Variants in CDH23 observed in about 807,000 individuals in gnomAD.
CDH23 encodes the protein cadherin-23.
Under a neutral mutation model 317.1 loss-of-function variants are expected in CDH23, and 189 were observed. The observed-to-expected ratio is 0.60, with a 90% CI of 0.53 to 0.67. The LOEUF (loss-of-function observed/expected upper bound fraction) is 0.67, where lower values mean the gene tolerates loss of function less well. Ranked by LOEUF, CDH23 falls within the 30% of genes least tolerant of loss-of-function variation. CDH23 has a pLI of 0.00. For missense variants in CDH23, 4,401 were observed against 4,592.4 expected (o/e 0.96, Z 1.20); for synonymous variants, 1,839 against 1,876.8 (o/e 0.98, Z 0.52).
intron 11 of CDH23, among the ~76,000 whole-genome samples, chr10:71,642,467 C>T (rs1305598977): frequency 7.1e-6 from 1 of 141,444 alleles, no homozygotes; most frequent in East Asian, 2.2e-4. Flanking sequence ...GGCATGATCT[C>T]GTCTCACTCC....
At chr10:71,476,156 G>A (rs1213125088) in intron 3 of CDH23, among the ~76,000 whole-genome samples, 1 of 152,136 alleles carries the variant, frequency 6.6e-6, no homozygotes, top group Non-Finnish European at 1.5e-5. Context: ...AACAATGCAA[G>A]GGGAGTTTTC....
chr10:71,599,476 G>A (rs1420108274), intron 9 of CDH23, among the ~76,000 whole-genome samples: 4 of 152,194 alleles, frequency 2.6e-5, no homozygotes, highest in East Asian at 1.9e-4. Context: ...GATGCATACA[G>A]TATGTAAAGA....
At chr10:71,415,740 T>C (rs940910010) in intron 1 of CDH23, among the ~76,000 whole-genome samples, 6 of 152,234 alleles carry the variant, frequency 3.9e-5, no homozygotes, top group Admixed American at 2.0e-4. Flanking sequence ...ATTTCTGTTA[T>C]AGTTTCCTCT....
chr10:71,621,479 C>T (rs1861464291), intron 11 of CDH23, among the ~76,000 whole-genome samples: 1 of 152,130 alleles, frequency 6.6e-6, no homozygotes, highest in African/African-American at 2.4e-5. Context: ...TCATGCTCTG[C>T]CTGGAACGTT....
Position 71,815,353 on chromosome 10 carries a change from G to A in CDH23, c.*75G>A. On this transcript the variant is annotated 3_prime_UTR_variant, in exon 70 of 70. Coordinates refer to ENST00000224721, the MANE Select transcript of CDH23 (RefSeq NM_022124.6). ...TCCCAGGGAGCAAGGGCAGGGACAG[G>A]GCCGGTCGGGGGGGACCCTCCAAGG... 7.3e-7 allele frequency: 1 copy of A among 1,376,802 alleles called. No homozygotes were observed. The highest frequency in any genetic ancestry group is 9.7e-7 in the Non-Finnish European group (1 of 1,029,306). 85.3% of individuals were successfully genotyped at this position (1,376,802 alleles called of 1,614,324 possible).
At chr10:71,482,329 C>T (rs1009727367) in intron 3 of CDH23, among the ~76,000 whole-genome samples, 1 of 152,174 alleles carries the variant, frequency 6.6e-6, no homozygotes, top group Non-Finnish European at 1.5e-5. Flanking sequence ...GTAGAGTTCC[C>T]TGTCATAAAG....
At position 71,800,759 on chromosome 10, in the gene CDH23, AG is replaced by A. The variant is rs749732322; in HGVS notation, c.7482+8del. The A allele has an allele frequency of 6.2e-7, 1 of 1,613,562 alleles. No homozygotes were observed. The highest frequency in any genetic ancestry group is 2.2e-5 in the East Asian group (1 of 44,870). On this transcript the variant is annotated splice_donor_5th_base_variant and intron_variant, in intron 53 of 69. Coordinates refer to ENST00000224721, the MANE Select transcript of CDH23 (RefSeq NM_022124.6). ...CCGTCGCGAAAATTCAGTGCAGGTGAGGGGTGCCAACCTGGGCCAGGGATGA... is the reference window on the plus strand; with the variant it reads ...CCGTCGCGAAAATTCAGTGCAGGTGAGGGTGCCAACCTGGGCCAGGGATGA...
At chr10:71,537,689 A>G (rs1855776262) in intron 6 of CDH23, among the ~76,000 whole-genome samples, 1 of 152,194 alleles carries the variant, frequency 6.6e-6, no homozygotes, top group African/African-American at 2.4e-5. Context: ...CCCCAGCTGA[A>G]GGCATCTCAG....
chr10:71,524,492 GGAT>G (rs1256321825), intron 6 of CDH23, among the ~76,000 whole-genome samples: 1 of 152,202 alleles, frequency 6.6e-6, no homozygotes, highest in African/African-American at 2.4e-5. Context: ...GGCAAAAGGA[GGAT>G]GCCTTGCTCA....
intron 6 of CDH23, among the ~76,000 whole-genome samples, chr10:71,521,343 G>A (rs1854667650): frequency 6.6e-6 from 1 of 152,134 alleles, no homozygotes; most frequent in Non-Finnish European, 1.5e-5. Context: ...AAATGGTGTG[G>A]GAGGCCTTTT....
chr10:71,659,788 A>G (rs1049610126), intron 14 of CDH23, among the ~76,000 whole-genome samples: 3 of 152,162 alleles, frequency 2.0e-5, no homozygotes, highest in Admixed American at 2.0e-4. Context: ...ACCTCTCTAG[A>G]AGGAGCCTTC....
chr10:71,770,253 G>A (rs577423466), intron 38 of CDH23, among the ~76,000 whole-genome samples: 28 of 152,336 alleles, frequency 1.8e-4, no homozygotes, highest in Admixed American at 9.8e-4. Context: ...TTAAGTGTTC[G>A]TTCATTGGCT....
intron 3 of CDH23, among the ~76,000 whole-genome samples, chr10:71,495,670 TA>T (rs546623585): frequency 0.031 from 4,585 of 147,350 alleles, 224 homozygotes; most frequent in African/African-American, 0.11. Context: ...TCATCTCTAT[TA>T]AAAAAAAAAA....
At chr10:71,649,411 C>T (rs1370751188) in intron 14 of CDH23, among the ~76,000 whole-genome samples, 1 of 152,210 alleles carries the variant, frequency 6.6e-6, no homozygotes, top group African/African-American at 2.4e-5. Context: ...CCGAGCGTCC[C>T]CAGCTCTCAT....
At chr10:71,468,359 C>T (rs1469879178) in intron 3 of CDH23, among the ~76,000 whole-genome samples, 2 of 152,214 alleles carry the variant, frequency 1.3e-5, no homozygotes, top group African/African-American at 4.8e-5. Context: ...CTCTTGGTGT[C>T]ACTCCTCAGC....
At chr10:71,486,462 G>A (rs550703794) in intron 3 of CDH23, among the ~76,000 whole-genome samples, 7 of 152,140 alleles carry the variant, frequency 4.6e-5, no homozygotes, top group East Asian at 1.9e-4. Context: ...GGCAGGAGGC[G>A]GGGATTATGA....
rs183452692 is a variant in CDH23 at position 71,456,721 on chromosome 10, T to C, written c.145+10326T>C. 6.8e-3 allele frequency among the ~76,000 whole-genome samples: 1,043 copies of C among 152,356 alleles called. 17 individuals carry two copies. The highest frequency in any genetic ancestry group is 0.043 in the Admixed American group (657 of 15,310). On this transcript the variant is annotated intron_variant, in intron 3 of 69. Transcript: ENST00000224721. Reference sequence around the variant, plus strand: ...GAAATAGTGACTAGCTTTTATTACATACTTAATCTCTCTAGATCAGCCGTT... The same window carrying C: ...GAAATAGTGACTAGCTTTTATTACACACTTAATCTCTCTAGATCAGCCGTT...
intron 28 of CDH23, 155 bp downstream of exon 28, chr10:71,712,968 A>C (rs1866043530): frequency 1.1e-6 from 1 of 902,662 alleles, no homozygotes; most frequent in East Asian, 2.6e-5. Context: ...GGAAAGGGGG[A>C]CCCAGGCCCT....
chr10:71,445,335 T>A (rs1436911899), intron 2 of CDH23, among the ~76,000 whole-genome samples: 1 of 152,168 alleles, frequency 6.6e-6, no homozygotes, highest in Non-Finnish European at 1.5e-5. Context: ...TCATCATCGT[T>A]ATTATTCTGT....
Sources: gnomAD v4.1 joint callset for allele counts (sites outside exome capture counted in the v4.1 genomes callset) on GRCh38, gnomAD v4.1.1 for gene constraint, MANE v1.5 for transcripts, NCBI Gene and HGNC (gene_info 2026-07-23, HGNC 2026-07-21) for gene names.